Variants in ATP5PD observed in about 807,000 individuals in gnomAD.
The protein encoded by ATP5PD is ATP synthase peripheral stalk subunit d.
A neutral mutation model predicts 22.6 loss-of-function variants in ATP5PD; 13 were observed. The ratio of observed to expected loss-of-function variants is 0.58; its 90% CI spans 0.37 to 0.91. ATP5PD has a LOEUF of 0.91. Ranked by LOEUF, ATP5PD falls within the 40% of genes least tolerant of loss-of-function variation. The probability of loss-of-function intolerance (pLI) is 0.00; values close to 1 mark genes in which losing one functional copy is unlikely to be tolerated. For missense variants in ATP5PD, 165 were observed against 188.0 expected, an observed-to-expected ratio of 0.88 and a Z score of 0.72; for synonymous variants, 51 against 65.0, an observed-to-expected ratio of 0.79 and a Z score of 1.03.
chr17:75,039,069 AAG>A lies in ATP5PD; in HGVS notation c.355-8_355-7del. 4 of 1,613,898 alleles carry A rather than the reference AAG, an allele frequency of 2.5e-6. No individual in the cohort carries two copies. The highest frequency in any genetic ancestry group is 1.1e-5 in the South Asian group (1 of 90,998). On this transcript the variant is annotated splice_region_variant and splice_polypyrimidine_tract_variant and intron_variant, in intron 5 of 5. Transcript: ENST00000301587. The stretch of plus-strand genomic sequence containing the variant: ...AAGTTCTTCATCTTCTCCATCTGGA[AAG>A]AGGGGGAATGTGTTTAGTTAATGTA...
At chr17:75,046,045 C>T (rs573736225) in intron 1 of ATP5PD, among the ~76,000 whole-genome samples, 2 of 152,350 alleles carry the variant, frequency 1.3e-5, no homozygotes, top group South Asian at 4.1e-4. Flanking sequence ...TCCCTGATTT[C>T]CCGCAACATC....
chr17:75,044,021 CACT>C (rs1220455249), intron 1 of ATP5PD, among the ~76,000 whole-genome samples: 3 of 141,538 alleles, frequency 2.1e-5, no homozygotes, highest in Non-Finnish European at 4.5e-5. Context: ...ACACGTTGTG[CACT>C]TTTTTTTTTT....
At chr17:75,042,744 T>C (rs895921723) in intron 1 of ATP5PD, 85 bp from the exon 2 acceptor site, 46 of 1,318,728 alleles carry the variant, frequency 3.5e-5, no homozygotes, top group Admixed American at 4.4e-5. Context: ...AAATAAGAGC[T>C]CTTAGAGAGA....
rs186089870 is a variant in ATP5PD, at chr17:75,041,247, C to T, written c.219+934G>A. On this transcript the variant is annotated intron_variant, in intron 3 of 5. Transcript: ENST00000301587. ...TGGTGGTGCTGTGGTCCCAGTTACT[C>T]GGGGGGATGAGGTGGGAGGAAGGCT... 42 of 149,440 alleles carry T rather than the reference C, an allele frequency of 2.8e-4. No individual in the cohort carries two copies. In the East Asian group the frequency reaches 7.0e-3, roughly 25 times the overall value. The allele number at this position is 149,440 out of a possible 1,614,324, so 9.3% of individuals were successfully genotyped here. A position where few individuals can be genotyped will look rare whatever the true frequency, so the allele number is the denominator to read the frequency against.
At position 75,042,778 on chromosome 17, in the gene ATP5PD, C is replaced by A. The variant is rs2073173943; in HGVS notation, c.-9-119G>T. 3 of 1,030,622 alleles carry A rather than the reference C, an allele frequency of 2.9e-6. No homozygotes were observed. The South Asian group carries it at 4.9e-5, about 17-fold the overall frequency. The allele number at this position is 1,030,622 out of a possible 1,614,324, so 63.8% of individuals were successfully genotyped here. On this transcript the variant is annotated intron_variant, in intron 1 of 5. Transcript: ENST00000301587. ...GAATCCTTTAAATCTTAGAAACATG[C>A]AAGTCTTCACAAGAATCACTTGAAC...
intron 1 of ATP5PD, among the ~76,000 whole-genome samples, chr17:75,045,640 T>C (rs958186380): frequency 2.6e-5 from 4 of 150,988 alleles, no homozygotes; most frequent in Admixed American, 6.6e-5. Context: ...TCTGCCCGGC[T>C]CACCGGCGGT....
intron 1 of ATP5PD, 78 bp from the exon 2 acceptor site, chr17:75,042,737 T>G: frequency 7.3e-7 from 1 of 1,375,144 alleles, no homozygotes; most frequent in Non-Finnish European, 1.0e-6. Flanking sequence ...AATAACAAAA[T>G]AAGAGCTCTT....
At chr17:75,042,344 C>A in intron 2 of ATP5PD, 67 bp from the exon 3 acceptor site, 1 of 1,561,630 alleles carries the variant, frequency 6.4e-7, no homozygotes. Context: ...TGGTAATTTT[C>A]CTATCCCTTC....
chr17:75,042,410 G>C, intron 2 of ATP5PD, 119 bp downstream of exon 2: 2 of 1,506,466 alleles, frequency 1.3e-6, no homozygotes. Flanking sequence ...TCATGAAAAT[G>C]CAAGGATTTC....
At chr17:75,042,736 A>G in intron 1 of ATP5PD, 77 bp from the exon 2 acceptor site, 1 of 1,388,024 alleles carries the variant, frequency 7.2e-7, no homozygotes. Context: ...AAATAACAAA[A>G]TAAGAGCTCT....
At chr17:75,040,240 C>G (rs924557829) in intron 3 of ATP5PD, 77 bp from the exon 4 acceptor site, 1 of 1,563,658 alleles carries the variant, frequency 6.4e-7, no homozygotes, top group Non-Finnish European at 8.8e-7. Context: ...GCCAATACAC[C>G]CAGGAGCTCA....
chr17:75,044,899 G>A (rs2073197667), intron 1 of ATP5PD, among the ~76,000 whole-genome samples: 2 of 152,202 alleles, frequency 1.3e-5, no homozygotes, highest in South Asian at 4.1e-4. Context: ...TCTCAGGACA[G>A]CCTGTTTCCT....
chr17:75,043,596 AGT>A (rs1487688934), intron 1 of ATP5PD, among the ~76,000 whole-genome samples: 1 of 142,712 alleles, frequency 7.0e-6, no homozygotes, highest in Non-Finnish European at 1.5e-5. Context: ...CTGGACACAG[AGT>A]GAGACTCTGT....
intron 1 of ATP5PD, among the ~76,000 whole-genome samples, 184 bp downstream of exon 1, chr17:75,046,741 G>C (rs1165776503): frequency 6.6e-6 from 1 of 151,812 alleles, no homozygotes; most frequent in Non-Finnish European, 1.5e-5. Context: ...CGCGCGCCAA[G>C]GAGGGCTGAG....
chr17:75,040,411 C>T (rs1370468808), intron 3 of ATP5PD: 3 of 488,098 alleles, frequency 6.1e-6, no homozygotes, highest in Non-Finnish European at 1.1e-5. Context: ...GAACCCTGGA[C>T]AATTCTTTAT....
rs141535456 is a variant in ATP5PD, at chr17:75,042,253, T to A, written c.147A>T (p.Pro49=). Residue 49 remains proline, a synonymous_variant, in exon 3 of 6, where the codon CCA becomes CCT. Coordinates refer to ENST00000301587, the MANE Select transcript of ATP5PD (RefSeq NM_006356.3). Reference sequence around the variant, plus strand: ...TGTAGTAAGCCCAGTCGATAGCTGGTGGATTCTCAGGTAAAGCAGCCAACC... The same window carrying A: ...TGTAGTAAGCCCAGTCGATAGCTGGAGGATTCTCAGGTAAAGCAGCCAACC... ...TSRLAALPEN[P]PAIDWAYYKA... 1.2e-6 allele frequency: 2 copies of A among 1,614,124 alleles called. No homozygotes were observed. The highest frequency in any genetic ancestry group is 1.7e-6 in the Non-Finnish European group (2 of 1,179,998).
At chr17:75,039,829 C>T (rs1438148749) in intron 4 of ATP5PD, 2 of 471,068 alleles carry the variant, frequency 4.2e-6, no homozygotes, top group Non-Finnish European at 7.6e-6. Flanking sequence ...TCAACCATCC[C>T]CAGGCAGCCA....
chr17:75,039,376 T>C (rs1298254678), intron 4 of ATP5PD, 105 bp from the exon 5 acceptor site: 1 of 1,026,154 alleles, frequency 9.7e-7, no homozygotes, highest in Non-Finnish European at 1.5e-6. Context: ...CCTATTGCTC[T>C]ATGGAGAAAC....
At chr17:75,043,371 G>A (rs1253333665) in intron 1 of ATP5PD, among the ~76,000 whole-genome samples, 6 of 151,996 alleles carry the variant, frequency 3.9e-5, no homozygotes, top group Admixed American at 2.0e-4. Context: ...CAGCACTTTG[G>A]GAGGCTGAGG....
Sources: gnomAD v4.1 joint callset for allele counts (sites outside exome capture counted in the v4.1 genomes callset) on GRCh38, gnomAD v4.1.1 for gene constraint, MANE v1.5 for transcripts, NCBI Gene and HGNC (gene_info 2026-07-23, HGNC 2026-07-21) for gene names.